The following DCDC1 variants were observed in gnomAD, a reference collection of about 807,000 sequenced individuals.
DCDC1 encodes doublecortin domain-containing protein 1.
Under a neutral mutation model 178.3 loss-of-function variants are expected in DCDC1, and 200 were observed. The observed-to-expected ratio is 1.12, with a 90% CI of 1.00 to 1.26. DCDC1 has a LOEUF of 1.26. DCDC1 is among the 50% of genes most tolerant of loss of function. The probability of loss-of-function intolerance (pLI) is 0.00; values close to 1 mark genes in which losing one functional copy is unlikely to be tolerated. For missense variants in DCDC1, 1,983 were observed against 1,749.2 expected (o/e 1.13, Z -2.38); for synonymous variants, 690 against 604.8 (o/e 1.14, Z -2.07).
At chr11:30,936,537 C>A (rs569079950) in intron 21 of DCDC1, among the ~76,000 whole-genome samples, 73 of 152,250 alleles carry the variant, frequency 4.8e-4, no homozygotes, top group African/African-American at 1.7e-3. Context: ...TCAAAGAAAT[C>A]ACTCTCTTCT....
intron 9 of DCDC1, among the ~76,000 whole-genome samples, chr11:31,197,454 T>C (rs1357559224): frequency 2.0e-5 from 3 of 152,114 alleles, no homozygotes; most frequent in African/African-American, 7.2e-5. Context: ...CATTGCCTAA[T>C]TAATTGTTTT....
chr11:31,092,242 T>C (rs182400065), intron 16 of DCDC1, among the ~76,000 whole-genome samples: 52 of 152,350 alleles, frequency 3.4e-4, no homozygotes, highest in Admixed American at 2.7e-3. Flanking sequence ...CTTTTTAGCA[T>C]ATACTTTATT....
At chr11:31,176,838 C>G (rs1968100886) in intron 9 of DCDC1, among the ~76,000 whole-genome samples, 1 of 152,064 alleles carries the variant, frequency 6.6e-6, no homozygotes, top group Non-Finnish European at 1.5e-5. Context: ...AAGGAACTTC[C>G]AAGACAGGCA....
Position 30,899,648 on chromosome 11 carries a change from A to C in DCDC1, c.4664-6T>G, listed in dbSNP as rs1436086928. The C allele has an allele frequency of 2.6e-6, 4 of 1,516,376 alleles. No homozygotes were observed. The South Asian group carries it at 5.2e-5, about 20-fold the overall frequency. 93.9% of individuals were successfully genotyped at this position (1,516,376 alleles called of 1,614,324 possible). The stretch of plus-strand genomic sequence containing the variant: ...TTTTTCTGCTTTCTGCAAAGCTAGA[A>C]TAATAAAAATACAAGATATTTTATC... On this transcript the variant is annotated splice_region_variant and splice_polypyrimidine_tract_variant and intron_variant, in intron 33 of 38. Transcript: ENST00000684477.
At chr11:31,044,118 A>T (rs1225153039) in intron 20 of DCDC1, among the ~76,000 whole-genome samples, 1 of 152,064 alleles carries the variant, frequency 6.6e-6, no homozygotes, top group Non-Finnish European at 1.5e-5. Context: ...ACCTACTTAC[A>T]TGAGTCCGTT....
chr11:31,167,349 A>G (rs1446598363), intron 9 of DCDC1, among the ~76,000 whole-genome samples: 7 of 152,208 alleles, frequency 4.6e-5, no homozygotes, highest in Non-Finnish European at 1.0e-4. Context: ...TAGGCCAAAC[A>G]TCACCCTTAA....
chr11:31,076,137 G>A (rs1223443434), intron 18 of DCDC1, among the ~76,000 whole-genome samples: 1 of 152,136 alleles, frequency 6.6e-6, no homozygotes, highest in Non-Finnish European at 1.5e-5. Flanking sequence ...GGGAGTACAG[G>A]TGTGAGCCAC....
At chr11:31,031,338 G>A (rs565489039) in intron 20 of DCDC1, among the ~76,000 whole-genome samples, 70 of 151,356 alleles carry the variant, frequency 4.6e-4, no homozygotes, top group African/African-American at 1.4e-3. Context: ...GTGCTTTTCC[G>A]AAAAAAAATC....
chr11:31,295,338 G>A (rs1013705242), intron 6 of DCDC1, among the ~76,000 whole-genome samples: 9 of 152,114 alleles, frequency 5.9e-5, no homozygotes, highest in African/African-American at 2.2e-4. Flanking sequence ...GATACAGAGG[G>A]TCGACTATAG....
At chr11:31,146,246 T>C (rs1356764865) in intron 9 of DCDC1, among the ~76,000 whole-genome samples, 2 of 151,878 alleles carry the variant, frequency 1.3e-5, no homozygotes, top group Admixed American at 1.3e-4. Context: ...TAATTTTTTT[T>C]TGTTTGTTTT....
At chr11:31,360,427 A>G (rs1004817060) in intron 1 of DCDC1, among the ~76,000 whole-genome samples, 2 of 152,224 alleles carry the variant, frequency 1.3e-5, no homozygotes, top group African/African-American at 4.8e-5. Context: ...CTAAAAGTGT[A>G]TACAGTATAG....
chr11:31,102,477 G>A (rs1310537143), intron 14 of DCDC1, among the ~76,000 whole-genome samples, 195 bp from the exon 15 acceptor site: 1 of 152,116 alleles, frequency 6.6e-6, no homozygotes, highest in Non-Finnish European at 1.5e-5. Flanking sequence ...CTATCAATGA[G>A]TATGTCCCTC....
At chr11:31,107,711 G>C (rs1329853468) in intron 12 of DCDC1, among the ~76,000 whole-genome samples, 1 of 152,130 alleles carries the variant, frequency 6.6e-6, no homozygotes, top group Non-Finnish European at 1.5e-5. Context: ...TGCTGCATAT[G>C]GTATTTGAAA....
intron 16 of DCDC1, among the ~76,000 whole-genome samples, chr11:31,092,700 T>C (rs1327369847): frequency 1.3e-5 from 2 of 152,150 alleles, no homozygotes; most frequent in Non-Finnish European, 2.9e-5. Flanking sequence ...TAGAAACAGA[T>C]ACCATGAAAT....
intron 3 of DCDC1, among the ~76,000 whole-genome samples, chr11:31,315,405 C>T (rs1949030407): frequency 7.2e-6 from 1 of 139,404 alleles, no homozygotes; most frequent in Non-Finnish European, 1.5e-5. Context: ...GGTACAGTCT[C>T]GGCTCACTGC....
At chr11:31,192,923 C>T (rs1480199478) in intron 9 of DCDC1, among the ~76,000 whole-genome samples, 1 of 151,984 alleles carries the variant, frequency 6.6e-6, no homozygotes, top group Non-Finnish European at 1.5e-5. Context: ...CTGGATAGAA[C>T]AAAAAAGTAG....
At chr11:31,236,287 G>A (rs1033019110) in intron 9 of DCDC1, among the ~76,000 whole-genome samples, 2 of 151,976 alleles carry the variant, frequency 1.3e-5, no homozygotes, top group African/African-American at 4.8e-5. Context: ...AATTGTCACA[G>A]TCGATCTCCA....
intron 9 of DCDC1, among the ~76,000 whole-genome samples, chr11:31,188,321 C>G (rs1591352449): frequency 6.6e-6 from 1 of 152,234 alleles, no homozygotes; most frequent in East Asian, 1.9e-4. Context: ...AGCCCATTAT[C>G]CATTGCAGCA....
chr11:31,344,428 T>C (rs1261915186), intron 1 of DCDC1, among the ~76,000 whole-genome samples: 3 of 152,206 alleles, frequency 2.0e-5, no homozygotes, highest in South Asian at 2.1e-4. Context: ...AAGACATTCC[T>C]GTCCTTAGTG....
Sources: gnomAD v4.1 joint callset for allele counts (sites outside exome capture counted in the v4.1 genomes callset) on GRCh38, gnomAD v4.1.1 for gene constraint, MANE v1.5 for transcripts, NCBI Gene and HGNC (gene_info 2026-07-23, HGNC 2026-07-21) for gene names.